The following KLK1 variants were observed in gnomAD, a reference collection of about 807,000 sequenced individuals.
KLK1 encodes the protein kallikrein 1, also known as kallikrein-1.
In KLK1, 22 loss-of-function variants were observed where a neutral mutation model predicts 23.3. The ratio of observed to expected loss-of-function variants is 0.95; its 90% CI spans 0.68 to 1.35. KLK1 has a LOEUF of 1.35. Ranked by LOEUF, KLK1 falls within the 40% of genes most tolerant of loss-of-function variation. The pLI, the probability that KLK1 is intolerant of heterozygous loss-of-function variation, is 0.00. For missense variants in KLK1, 301 were observed against 338.9 expected (o/e 0.89, Z 0.88); for synonymous variants, 140 against 135.8 (o/e 1.03, Z -0.21).
In KLK1 at chr19:50,823,637, G is replaced by A. The variant is rs375962496; in HGVS notation, c.46+66C>T. On this transcript the variant is annotated intron_variant, in intron 1 of 4. Coordinates refer to ENST00000301420, the MANE Select transcript of KLK1 (RefSeq NM_002257.4). The stretch of plus-strand genomic sequence containing the variant: ...TGTTGGAGGGGAAGGTCTTATCGGG[G>A]GGGGATGTGAGGCCAGCAAGAGAAT... The A allele has an allele frequency of 1.3e-3, 1,354 of 1,078,920 alleles. 10 individuals are homozygous for A. In the African/African-American group the frequency reaches 0.015, roughly 12 times the overall value. The allele number at this position is 1,078,920 out of a possible 1,614,324, so 66.8% of individuals were successfully genotyped here. A position where few individuals can be genotyped will look rare whatever the true frequency, so the allele number is the denominator to read the frequency against.
At chr19:50,820,115 C>G in intron 3 of KLK1, 39 bp downstream of exon 3, 1 of 1,603,368 alleles carries the variant, frequency 6.2e-7, no homozygotes, top group Non-Finnish European at 8.5e-7. Flanking sequence ...GCAGGAGTCC[C>G]CATCCCCGCC....
Position 50,820,272 on chromosome 19 carries a change from C to T in KLK1, c.378G>A (p.Leu126=). ...DYSHDLMLLR[L]TEPADTITDA... The stretch of plus-strand genomic sequence containing the variant: ...CTGTGATGGTATCAGCAGGCTCTGT[C>T]AGGCGGAGCAGCATGAGGTCGTGGC... The change falls in exon 3 of 5, where the codon CTG becomes CTA. Residue 126 remains leucine (L), a synonymous_variant. Coordinates refer to ENST00000301420, the MANE Select transcript of KLK1 (RefSeq NM_002257.4). 1 of 1,614,080 alleles carries T rather than the reference C, an allele frequency of 6.2e-7. No homozygotes were observed. Among genetic ancestry groups the T allele is most frequent in the Non-Finnish European group, 8.5e-7 (1 of 1,180,036 alleles).
intron 1 of KLK1, chr19:50,822,930 G>C (rs2740502): frequency 0.39 from 381,486 of 983,158 alleles, 75,299 homozygotes; most frequent in Middle Eastern, 0.42. Flanking sequence ...GGATCCTTGG[G>C]GTGGGGTTCC....
At chr19:50,819,412 G>A in intron 4 of KLK1, 63 bp from the exon 5 acceptor site, 2 of 1,517,828 alleles carry the variant, frequency 1.3e-6, no homozygotes, top group Non-Finnish European at 1.8e-6. Context: ...TCTGCCTGGG[G>A]AGCCCCAGCT....
In KLK1 at chr19:50,821,970, G is replaced by A. The variant is rs2089831280; in HGVS notation, c.47-99C>T. On this transcript the variant is annotated intron_variant, in intron 1 of 4. Transcript: ENST00000301420. The surrounding 1 kb of genome is among the most constrained non-coding windows in gnomAD (Gnocchi z 5.6). ...TGGGCTGTGGGTCTGAAGGGACATT[G>A]CGGGTAGAGGACCAGGGCTGGAGGT... The A allele has an allele frequency of 3.4e-6, 5 of 1,485,608 alleles. No homozygotes were observed. The highest frequency in any genetic ancestry group is 1.4e-5 in the South Asian group (1 of 72,824). The allele number at this position is 1,485,608 out of a possible 1,614,324, so 92.0% of individuals were successfully genotyped here.
At chr19:50,820,812 C>T (rs3212828) in intron 2 of KLK1, 6,559 of 173,294 alleles carry the variant, frequency 0.038, 471 homozygotes, top group African/African-American at 0.15. Flanking sequence ...GAACAGAACA[C>T]GGAAGGGAGC....
chr19:50,820,339 CTCATG>C lies in KLK1; in HGVS notation c.306_310del (p.Asn102LysfsTer28), dbSNP rs771753490. 6 of 1,614,008 alleles carry C rather than the reference CTCATG, an allele frequency of 3.7e-6. No homozygotes were observed. In the African/African-American group the frequency reaches 8.0e-5, roughly 22 times the overall value. On this transcript the variant is annotated frameshift_variant, in exon 3 of 5. Coordinates refer to ENST00000301420, the MANE Select transcript of KLK1 (RefSeq NM_002257.4). LOFTEE classifies it high-confidence loss of function. ...TTGGCGGGTGTGGTTCTCCAGGAGG[CTCATG>C]TTGAAGCCAGGGTGTGGGAAGCTCT...
In KLK1 at chr19:50,822,087, T is replaced by C. The variant is rs2089831944; in HGVS notation, c.47-216A>G. 6.7e-6 allele frequency: 9 copies of C among 1,343,804 alleles called. No homozygotes were observed. The East Asian group carries it at 1.7e-4, about 25-fold the overall frequency. 83.2% of individuals were successfully genotyped at this position (1,343,804 alleles called of 1,614,324 possible). Reference sequence around the variant, plus strand: ...GGTGGCTGGACCTGGTGGGGAGATTTTGTGCTCTGACAGTAGAGCAGCCTC... The same window carrying C: ...GGTGGCTGGACCTGGTGGGGAGATTCTGTGCTCTGACAGTAGAGCAGCCTC... On this transcript the variant is annotated intron_variant, in intron 1 of 4. Coordinates refer to ENST00000301420, the MANE Select transcript of KLK1 (RefSeq NM_002257.4).
intron 1 of KLK1, chr19:50,822,242 C>A (rs970956165): frequency 4.0e-6 from 4 of 1,012,416 alleles, no homozygotes; most frequent in Non-Finnish European, 4.7e-6. Context: ...ATTCTGGAAA[C>A]CAGGGATCAA....
In KLK1 at chr19:50,820,182, G is replaced by A. The variant is rs139734831; in HGVS notation, c.468C>T (p.Ser156=). The change falls in exon 3 of 5, where the codon TCC becomes TCT. Residue 156 remains serine (S), a synonymous_variant. Coordinates refer to ENST00000301420, the MANE Select transcript of KLK1 (RefSeq NM_002257.4). ...TCTCTGGTTCGATGCTGCCCCAGCC[G>A]GAAGCCAAACAGGTGCTCCCCACTT... is the stretch of plus-strand genomic sequence containing the variant. ...EPEVGSTCLA[S]GWGSIEPENF... is the part of the protein sequence containing the mutation. The A allele has an allele frequency of 3.0e-4, 483 of 1,605,880 alleles. 2 individuals are homozygous for A. The highest frequency in any genetic ancestry group is 1.3e-4 in the Non-Finnish European group (156 of 1,173,966).
In KLK1 at chr19:50,821,950, T is replaced by G; in HGVS notation, c.47-79A>C. 6.6e-7 allele frequency: 1 copy of G among 1,525,466 alleles called. No individual in the cohort carries two copies. Among genetic ancestry groups the G allele is most frequent in the Non-Finnish European group, 8.8e-7 (1 of 1,135,946 alleles). 94.5% of individuals were successfully genotyped at this position (1,525,466 alleles called of 1,614,324 possible). A position where few individuals can be genotyped will look rare whatever the true frequency, so the allele number is the denominator to read the frequency against. On this transcript the variant is annotated intron_variant, in intron 1 of 4. Transcript: ENST00000301420. This position sits in a 1 kb window ranked among gnomAD's most constrained non-coding sequence, Gnocchi z 5.6. ...ACAAGGCTAGGAGAGGGAGCTGGGC[T>G]GTGGGTCTGAAGGGACATTGCGGGT...
chr19:50,821,902 A>G lies in KLK1; in HGVS notation c.47-31T>C. On this transcript the variant is annotated intron_variant, in intron 1 of 4. Coordinates refer to ENST00000301420, the MANE Select transcript of KLK1 (RefSeq NM_002257.4). This position sits in a 1 kb window ranked among gnomAD's most constrained non-coding sequence, Gnocchi z 5.6. Reference sequence around the variant, plus strand: ...GAGGCGGTGCTGGGTCAGGAAGGGCAGGGTTGGCAGGAGAGGCCAGGGACA... The same window carrying G: ...GAGGCGGTGCTGGGTCAGGAAGGGCGGGGTTGGCAGGAGAGGCCAGGGACA... 1 of 1,583,346 alleles carries G rather than the reference A, an allele frequency of 6.3e-7. No individual in the cohort carries two copies. The highest frequency in any genetic ancestry group is 8.6e-7 in the Non-Finnish European group (1 of 1,161,852).
Position 50,819,151 on chromosome 19 carries a change from T to G in KLK1, c.*43A>C, listed in dbSNP as rs749015091. The G allele has an allele frequency of 1.5e-5, 24 of 1,559,876 alleles. No homozygotes were observed. In the South Asian group the frequency reaches 2.7e-4, roughly 17 times the overall value. ...ATGGCAGAACGTGACACACATTGGATGCACATTTGATTTTACTGGGGGTAG... is the reference window on the plus strand; with the variant it reads ...ATGGCAGAACGTGACACACATTGGAGGCACATTTGATTTTACTGGGGGTAG... On this transcript the variant is annotated 3_prime_UTR_variant, in exon 5 of 5. Transcript: ENST00000301420.
chr19:50,822,671 C>T, intron 1 of KLK1: 1 of 985,360 alleles, frequency 1.0e-6, no homozygotes, highest in Non-Finnish European at 1.2e-6. Flanking sequence ...GCGTGAGTGG[C>T]AGTCCTTCTC....
In KLK1 at chr19:50,821,836, C is replaced by T. The variant is rs1275645126; in HGVS notation, c.82G>A (p.Gly28Ser). The T allele has an allele frequency of 3.7e-6, 6 of 1,613,448 alleles. No homozygotes were observed. The highest frequency in any genetic ancestry group is 5.1e-6 in the Non-Finnish European group (6 of 1,179,674). ...TGGGAATGCTGCTCACACTCCCAGC[C>T]TCCCACAATCCGGGACTGAATCGGG... The part of the protein sequence containing the change: ...APPIQSRIVG[G>S]WECEQHSQPW... Residue 28 changes from glycine (G) to serine (S), a missense_variant, in exon 2 of 5, where the codon GGC (glycine) becomes AGC (serine). Transcript: ENST00000301420. This position sits in a 1 kb window ranked among gnomAD's most constrained non-coding sequence, Gnocchi z 5.6.
chr19:50,823,678 C>A (rs758081931), intron 1 of KLK1, 25 bp downstream of exon 1: 6 of 1,523,948 alleles, frequency 3.9e-6, no homozygotes, highest in Non-Finnish European at 5.4e-6. Context: ...CCCGTTCCCC[C>A]TCCCACATCC....
In KLK1 at chr19:50,820,208, C is replaced by T. The variant is rs372142347; in HGVS notation, c.442G>A (p.Glu148Lys). The change falls in exon 3 of 5, where the codon GAA (glutamate) becomes AAA (lysine). Residue 148 changes from glutamate (E) to lysine (K), a missense_variant. Transcript: ENST00000301420. ...KVVELPTEEP[E>K]VGSTCLASGW... ...GAAGCCAAACAGGTGCTCCCCACTT[C>T]GGGTTCCTCGGTGGGCAACTCCACG... 29 of 1,611,488 alleles carry T rather than the reference C, an allele frequency of 1.8e-5. No homozygotes were observed. Among genetic ancestry groups the T allele is most frequent in the African/African-American group, 1.6e-4 (12 of 74,862 alleles).
rs1568479981 is a variant in KLK1 at position 50,820,234 on chromosome 19, AC to A, written c.415del (p.Val139SerfsTer55). The A allele has an allele frequency of 7.4e-6, 12 of 1,613,300 alleles. No individual in the cohort carries two copies. The highest frequency in any genetic ancestry group is 1.0e-5 in the Non-Finnish European group (12 of 1,179,582). ...GGGTTCCTCGGTGGGCAACTCCACG[AC>A]CTTCACAGCATCTGTGATGGTATCA... ...PADTITDAVKVVELPTEEPEV... is the reference protein window; with the variant it reads ...PADTITDAVKXVELPTEEPEV... On this transcript the variant is annotated frameshift_variant, in exon 3 of 5. Transcript: ENST00000301420. LOFTEE classifies it high-confidence loss of function.
At position 50,823,734 on chromosome 19, in the gene KLK1, A is replaced by G. The variant is rs773385364; in HGVS notation, c.15T>C (p.Val5=). The change falls in exon 1 of 5, where the codon GTT becomes GTC. Residue 5 remains valine, a synonymous_variant. Coordinates refer to ENST00000301420, the MANE Select transcript of KLK1 (RefSeq NM_002257.4). MWFL[V]LCLALSLGGT... ...CCCCCAGGGACAGGGCGAGGCACAG[A>G]ACCAGGAACCACATGGTGACAGAGG... The G allele has an allele frequency of 1.2e-6, 2 of 1,611,048 alleles. No homozygotes were observed. Among genetic ancestry groups the G allele is most frequent in the Admixed American group, 3.3e-5 (2 of 59,908 alleles).
Sources: allele counts gnomAD v4.1 joint callset, GRCh38; gene constraint gnomAD v4.1.1; non-coding constraint Gnocchi (gnomAD v3.1); transcripts MANE v1.5; gene names NCBI Gene and HGNC (gene_info 2026-07-23, HGNC 2026-07-21).